PDE10A: variants seen among roughly 807,000 people sequenced by gnomAD.
The protein encoded by PDE10A is phosphodiesterase 10A.
A neutral mutation model predicts 97.7 loss-of-function variants in PDE10A; 39 were observed. The ratio of observed to expected loss-of-function variants is 0.40; its 90% CI spans 0.31 to 0.52. PDE10A has a LOEUF of 0.52. Among genes scored for constraint, PDE10A ranks in the 20% least tolerant of loss-of-function variants. PDE10A has a pLI of 0.56. For missense variants in PDE10A, 731 were observed against 1,047.8 expected, an observed-to-expected ratio of 0.70 and a Z score of 4.17; for synonymous variants, 371 against 376.8, an observed-to-expected ratio of 0.98 and a Z score of 0.18.
intron 2 of PDE10A, among the ~76,000 whole-genome samples, chr6:165,504,477 G>A (rs1433615803): frequency 1.3e-5 from 2 of 152,068 alleles, no homozygotes; most frequent in Admixed American, 6.6e-5. Flanking sequence ...TAAGACTCAC[G>A]ATGGTTCTCC....
At chr6:165,467,464 TC>T (rs1778723974) in intron 3 of PDE10A, among the ~76,000 whole-genome samples, 1 of 152,170 alleles carries the variant, frequency 6.6e-6, no homozygotes, top group Non-Finnish European at 1.5e-5. Context: ...TTAAGTTGAA[TC>T]TAAGGCTCAG....
chr6:165,587,833 A>G (rs952575226), intron 1 of PDE10A, among the ~76,000 whole-genome samples: 1 of 152,222 alleles, frequency 6.6e-6, no homozygotes, highest in Non-Finnish European at 1.5e-5. Context: ...CAGAGGTTAA[A>G]TGAGGTTAAA....
At chr6:165,577,662 A>G (rs1439611615) in intron 1 of PDE10A, among the ~76,000 whole-genome samples, 2 of 152,162 alleles carry the variant, frequency 1.3e-5, no homozygotes, top group African/African-American at 4.8e-5. Context: ...GCCGCCTGCT[A>G]TGAGTCCCTG....
chr6:165,484,968 A>G (rs369934856), intron 2 of PDE10A, among the ~76,000 whole-genome samples: 12 of 152,192 alleles, frequency 7.9e-5, no homozygotes, highest in African/African-American at 2.4e-4. Context: ...GGAAGACCTC[A>G]TCATGAGAAA....
chr6:165,568,887 A>C (rs1290210780), intron 1 of PDE10A, among the ~76,000 whole-genome samples: 2 of 152,246 alleles, frequency 1.3e-5, no homozygotes, highest in African/African-American at 4.8e-5. Context: ...GAAAATTAAA[A>C]AGACACTATT....
intron 1 of PDE10A, among the ~76,000 whole-genome samples, chr6:165,614,684 C>G (rs926869472): frequency 6.6e-6 from 1 of 152,040 alleles, no homozygotes; most frequent in Admixed American, 6.6e-5. Context: ...TGTTGTATTT[C>G]CAGCATCTAG....
rs745446477 is a variant in PDE10A at position 165,332,195 on chromosome 6, C to T, written c.*830G>A. On this transcript the variant is annotated 3_prime_UTR_variant, in exon 22 of 22. Transcript: ENST00000539869. ...TTGTCCATTAAAAAAATTACAATGC[C>T]GAGCTTTTATTTTGTTCTTTATGCA... 15 of 152,192 alleles carry T rather than the reference C, an allele frequency of 9.9e-5. No homozygotes were observed. The highest frequency in any genetic ancestry group is 1.6e-4 in the Non-Finnish European group (11 of 68,000). The allele number at this position is 152,192 out of a possible 1,614,324, so 9.4% of individuals were successfully genotyped here. A position where few individuals can be genotyped will look rare whatever the true frequency, so the allele number is the denominator to read the frequency against.
intron 13 of PDE10A, among the ~76,000 whole-genome samples, chr6:165,408,453 G>A (rs775459487): frequency 5.0e-4 from 76 of 152,054 alleles, no homozygotes; most frequent in African/African-American, 1.5e-3. Flanking sequence ...CAAGCATCTC[G>A]GTGCCACAGT....
intron 13 of PDE10A, among the ~76,000 whole-genome samples, chr6:165,409,057 C>T (rs150358098): frequency 0.016 from 2,384 of 146,890 alleles, 78 homozygotes; most frequent in South Asian, 0.09. Context: ...CCCAGCTACT[C>T]GGGAGGCTGA....
chr6:165,500,001 G>A (rs560538078), intron 2 of PDE10A, among the ~76,000 whole-genome samples: 1 of 152,278 alleles, frequency 6.6e-6, no homozygotes. Context: ...AATGGTGGAA[G>A]ATTAAATGCT....
At chr6:165,455,980 G>T (rs1257089491) in intron 3 of PDE10A, among the ~76,000 whole-genome samples, 1 of 152,118 alleles carries the variant, frequency 6.6e-6, no homozygotes, top group Non-Finnish European at 1.5e-5. Flanking sequence ...AAATTCTAAT[G>T]ACTCTAAAAT....
intron 1 of PDE10A, among the ~76,000 whole-genome samples, chr6:165,714,904 C>T (rs1173357886): frequency 6.6e-6 from 1 of 151,342 alleles, no homozygotes; most frequent in Admixed American, 6.6e-5. Flanking sequence ...GGGGAGCACC[C>T]CCTTCCCCAG....
intron 18 of PDE10A, among the ~76,000 whole-genome samples, chr6:165,374,645 G>T (rs1784494913): frequency 6.6e-6 from 1 of 151,920 alleles, no homozygotes; most frequent in Non-Finnish European, 1.5e-5. Flanking sequence ...AATTTCTATA[G>T]CCTTTTCTGA....
intron 2 of PDE10A, among the ~76,000 whole-genome samples, chr6:165,499,592 C>T (rs1028074158): frequency 3.3e-5 from 5 of 152,114 alleles, no homozygotes; most frequent in Admixed American, 6.5e-5. Context: ...CTATTAGCAG[C>T]TTATGGCAAT....
At position 165,685,573 on chromosome 6, in the gene PDE10A, C is replaced by T. The variant is rs147778692; in HGVS notation, c.-614-142005G>A. Among the ~76,000 whole-genome samples the T allele has an allele frequency of 1.1e-4, 16 of 152,244 alleles. No homozygotes were observed. The East Asian group carries it at 2.5e-3, about 24-fold the overall frequency. ...TCAGAGCCAGGAATCCCTGCCTTTT[C>T]TTTGGAGGAAATGTTTTGTGTATGT... On this transcript the variant is annotated intron_variant, in intron 1 of 19. Coordinates refer to the PDE10A transcript ENST00000366882.
chr6:165,933,761 C>G (rs1023897917), intron 1 of PDE10A, among the ~76,000 whole-genome samples: 3 of 152,050 alleles, frequency 2.0e-5, no homozygotes, highest in African/African-American at 7.2e-5. Flanking sequence ...GAAATTTATA[C>G]ACAACAAAAA....
At chr6:165,673,145 AG>A (rs1362174455) in intron 1 of PDE10A, among the ~76,000 whole-genome samples, 2 of 152,238 alleles carry the variant, frequency 1.3e-5, no homozygotes, top group African/African-American at 4.8e-5. Context: ...ATAACTCTGA[AG>A]AAAATAAAAT....
At chr6:165,503,561 A>G (rs558844804) in intron 2 of PDE10A, among the ~76,000 whole-genome samples, 47 of 152,202 alleles carry the variant, frequency 3.1e-4, no homozygotes, top group Non-Finnish European at 6.3e-4. Flanking sequence ...ACGAGATTCA[A>G]TAAGAACCCA....
At chr6:165,531,223 T>C (rs1782758696) in intron 2 of PDE10A, among the ~76,000 whole-genome samples, 1 of 151,996 alleles carries the variant, frequency 6.6e-6, no homozygotes. Flanking sequence ...TTCAGTTATA[T>C]TTATGGTCTA....
Sources: allele counts gnomAD v4.1 joint callset (sites outside exome capture counted in the v4.1 genomes callset), GRCh38; gene constraint gnomAD v4.1.1; transcripts MANE v1.5; gene names NCBI Gene and HGNC (gene_info 2026-07-23, HGNC 2026-07-21).